The following ASB10 variants were observed in gnomAD, a reference collection of about 807,000 sequenced individuals.
The protein encoded by ASB10 is ankyrin repeat and SOCS box protein 10.
In ASB10, 44 loss-of-function variants were observed where a neutral mutation model predicts 35.4. The observed-to-expected ratio is 1.24, with a 90% CI of 0.98 to 1.60. ASB10 has a LOEUF of 1.60. Ranked by LOEUF, ASB10 falls within the 40% of genes most tolerant of loss-of-function variation. ASB10 has a pLI of 0.00. For synonymous variants in ASB10, 294 were observed against 280.4 expected (o/e 1.05, Z -0.49); for missense variants, 647 against 634.3 (o/e 1.02, Z -0.22).
intron 5 of ASB10, 51 bp from the exon 6 acceptor site, chr7:151,176,017 C>G: frequency 1.4e-6 from 2 of 1,415,524 alleles, no homozygotes; most frequent in South Asian, 1.3e-5. Flanking sequence ...GGGGACGGGC[C>G]GGTTCTGGCT....
Position 151,176,459 on chromosome 7 carries a change from CAT to C in ASB10, c.1218+102_1218+103del, listed in dbSNP as rs1420385688. The C allele has an allele frequency of 7.5e-6, 11 of 1,470,070 alleles. No homozygotes were observed. The African/African-American group carries it at 1.1e-4, about 15-fold the overall frequency. 91.1% of individuals were successfully genotyped at this position (1,470,070 alleles called of 1,614,324 possible). On this transcript the variant is annotated intron_variant, in intron 4 of 5. Coordinates refer to ENST00000420175, the MANE Select transcript of ASB10 (RefSeq NM_001142459.2). ...ACTCTGCAAGTTCTCTCTTCTGGGA[CAT>C]GAGTGCATCTTTGGGTACTTTCTAT...
chr7:151,177,060 C>A (rs1426294198), intron 3 of ASB10, among the ~76,000 whole-genome samples: 3 of 152,240 alleles, frequency 2.0e-5, no homozygotes, highest in African/African-American at 2.4e-5. Flanking sequence ...GGAACAGATT[C>A]TCCCTCAGAA....
rs1801618305 is a variant in ASB10, at chr7:151,187,243, C to G, written c.-113G>C. On this transcript the variant is annotated 5_prime_UTR_variant, in exon 1 of 6. Transcript: ENST00000420175. The surrounding 1 kb of genome is among the most constrained non-coding windows in gnomAD (Gnocchi z 5.3). ...ACAGAAGGCCCCTGTGTCCCACGCTCCGAGGCTGACCTGGCCACGCATCCA... is the reference window on the plus strand; with the variant it reads ...ACAGAAGGCCCCTGTGTCCCACGCTGCGAGGCTGACCTGGCCACGCATCCA... The G allele has an allele frequency of 1.3e-6, 2 of 1,523,172 alleles. No individual in the cohort carries two copies. The highest frequency in any genetic ancestry group is 1.8e-6 in the Non-Finnish European group (2 of 1,131,774). The allele number at this position is 1,523,172 out of a possible 1,614,324, so 94.4% of individuals were successfully genotyped here. A position where few individuals can be genotyped will look rare whatever the true frequency, so the allele number is the denominator to read the frequency against.
At chr7:151,176,468 A>T in intron 4 of ASB10, 95 bp downstream of exon 4, 3 of 1,473,520 alleles carry the variant, frequency 2.0e-6, no homozygotes, top group South Asian at 1.3e-5. Flanking sequence ...ACATGAGTGC[A>T]TCTTTGGGTA....
intron 2 of ASB10, among the ~76,000 whole-genome samples, chr7:151,181,707 G>A (rs187492260): frequency 9.2e-5 from 14 of 151,960 alleles, no homozygotes; most frequent in African/African-American, 3.1e-4. Context: ...CCACCTCCCG[G>A]GTTCAAGCGA....
intron 2 of ASB10, among the ~76,000 whole-genome samples, chr7:151,183,584 G>A (rs2150558854): frequency 6.6e-6 from 1 of 152,082 alleles, no homozygotes; most frequent in Non-Finnish European, 1.5e-5. Context: ...ATTTTTGTCT[G>A]TTTGCTTGTT....
intron 3 of ASB10, 60 bp downstream of exon 3, chr7:151,180,879 G>T: frequency 7.0e-7 from 1 of 1,431,660 alleles, no homozygotes; most frequent in South Asian, 1.5e-5. Flanking sequence ...CCGGAGCACA[G>T]GCCCAGGTCT....
chr7:151,176,038 C>T, intron 5 of ASB10, 72 bp from the exon 6 acceptor site: 4 of 1,543,718 alleles, frequency 2.6e-6, no homozygotes, highest in Non-Finnish European at 2.6e-6. Context: ...AGGGCCCTCC[C>T]CAACCCTTCT....
intron 2 of ASB10, among the ~76,000 whole-genome samples, chr7:151,182,524 G>A (rs1263298682): frequency 1.3e-5 from 2 of 152,162 alleles, no homozygotes; most frequent in Non-Finnish European, 2.9e-5. Flanking sequence ...ACTGCAGTGA[G>A]CCGAGATCAT....
At chr7:151,178,913 C>T (rs1043398967) in intron 3 of ASB10, among the ~76,000 whole-genome samples, 1 of 152,290 alleles carries the variant, frequency 6.6e-6, no homozygotes, top group Admixed American at 6.5e-5. Context: ...CTTCCTGGCC[C>T]ATGTTGATCC....
intron 3 of ASB10, among the ~76,000 whole-genome samples, chr7:151,177,028 C>A (rs1413216389): frequency 6.6e-6 from 1 of 152,250 alleles, no homozygotes; most frequent in African/African-American, 2.4e-5. Flanking sequence ...TGGGAAACCA[C>A]TGGAAGCTAC....
At chr7:151,178,367 G>A (rs748637972) in intron 3 of ASB10, among the ~76,000 whole-genome samples, 10 of 152,238 alleles carry the variant, frequency 6.6e-5, no homozygotes, top group Admixed American at 5.2e-4. Context: ...GGCAAGCCAC[G>A]CAGTGGAGCA....
intron 2 of ASB10, among the ~76,000 whole-genome samples, chr7:151,184,754 G>A (rs1260823955): frequency 2.6e-5 from 4 of 152,130 alleles, no homozygotes; most frequent in Non-Finnish European, 5.9e-5. Flanking sequence ...CGGGCACGGT[G>A]GCTCGTGCCT....
In ASB10 at chr7:151,186,512, G is replaced by A; in HGVS notation, c.464C>T (p.Ala155Val). 6.2e-7 allele frequency: 1 copy of A among 1,602,728 alleles called. No homozygotes were observed. Among genetic ancestry groups the A allele is most frequent in the South Asian group, 1.1e-5 (1 of 89,346 alleles). ...APGGRTALHE[A>V]CAAGHTACVH... ...ACAGGCAGTGTGGCCTGCAGCACAG[G>A]CCTCGTGCAGGGCGGTGCGGCCCCC... Residue 155 changes from alanine to valine, a missense_variant, in exon 2 of 6, where the codon GCC becomes GTC. Ala to Val is a moderately conservative substitution (Grantham distance 64). Transcript: ENST00000420175.
At chr7:151,187,418 C>T (rs1202025928), upstream of ASB10, 3 of 1,550,872 alleles carry the variant, frequency 1.9e-6, no homozygotes, top group South Asian at 1.2e-5. The surrounding 1 kb of genome is among the most constrained non-coding windows in gnomAD (Gnocchi z 5.3). Context: ...CAGCCCAGCC[C>T]CCTGGTTCTC....
chr7:151,183,220 G>C (rs1035462097), intron 2 of ASB10, among the ~76,000 whole-genome samples: 1 of 152,158 alleles, frequency 6.6e-6, no homozygotes, highest in African/African-American at 2.4e-5. Flanking sequence ...AGACTATCCT[G>C]GGCAACAAAG....
rs1403125986 is a variant in ASB10, at chr7:151,181,384, T to G, written c.659A>C (p.His220Pro). 1 of 1,612,834 alleles carries G rather than the reference T, an allele frequency of 6.2e-7. No homozygotes were observed. Among genetic ancestry groups the G allele is most frequent in the Non-Finnish European group, 8.5e-7 (1 of 1,179,834 alleles). Residue 220 changes from histidine to proline, a missense_variant, in exon 3 of 6, where the codon CAT becomes CCT. By Grantham distance (77) the His-to-Pro change is moderately conservative. Coordinates refer to ENST00000420175, the MANE Select transcript of ASB10 (RefSeq NM_001142459.2). ...RSEEEEETPL[H>P]VAARLGHVEL... ...CACATGGCCAAGCCGGGCGGCCACA[T>G]GCAAAGGGGTCTCCTCTTCTTCCTC...
chr7:151,186,315 T>C, intron 2 of ASB10, 77 bp downstream of exon 2: 1 of 1,473,788 alleles, frequency 6.8e-7, no homozygotes. Context: ...CCCTGACATT[T>C]TCCCCCATCC....
Position 151,186,811 on chromosome 7 carries a change from G to A in ASB10, c.316+4C>T, listed in dbSNP as rs762325242. 2.1e-5 allele frequency: 33 copies of A among 1,584,790 alleles called. No individual in the cohort carries two copies. The Middle Eastern group carries it at 5.0e-4, about 24-fold the overall frequency. On this transcript the variant is annotated splice_donor_region_variant and intron_variant, in intron 1 of 5. Transcript: ENST00000420175. ...CTGAGAGCCCCCAGTGCCCCGGCCC[G>A]TACTCAGAGCACGGATGTTGAAGCG...
Sources: allele counts gnomAD v4.1 joint callset (sites outside exome capture counted in the v4.1 genomes callset), GRCh38; gene constraint gnomAD v4.1.1; non-coding constraint Gnocchi (gnomAD v3.1); transcripts MANE v1.5; gene names NCBI Gene and HGNC (gene_info 2026-07-23, HGNC 2026-07-21).